Variants in ANO10 observed in about 807,000 individuals in gnomAD.
ANO10 encodes anoctamin 10.
ANO10 carries 77 observed loss-of-function variants against 74.7 expected under a neutral mutation model. The ratio of observed to expected loss-of-function variants is 1.03; its 90% CI spans 0.86 to 1.25. The LOEUF (loss-of-function observed/expected upper bound fraction) is 1.25, where lower values mean the gene tolerates loss of function less well. Ranked by LOEUF, ANO10 falls within the 50% of genes most tolerant of loss-of-function variation. The pLI is 0.00. For synonymous variants in ANO10, 279 were observed against 284.9 expected (o/e 0.98, Z 0.21); for missense variants, 721 against 778.1 (o/e 0.93, Z 0.87).
At chr3:43,471,818 A>G (rs2075867914) in intron 11 of ANO10, among the ~76,000 whole-genome samples, 1 of 152,126 alleles carries the variant, frequency 6.6e-6, no homozygotes, top group African/African-American at 2.4e-5. Context: ...ACATCATAGG[A>G]AACAATCAAA....
intron 11 of ANO10, among the ~76,000 whole-genome samples, chr3:43,532,737 ATAT>A (rs993912840): frequency 1.3e-5 from 2 of 152,214 alleles, no homozygotes; most frequent in African/African-American, 4.8e-5. Flanking sequence ...ATTTTAATTC[ATAT>A]TATTTTAATG....
chr3:43,375,069 C>T (rs186314565), intron 12 of ANO10, among the ~76,000 whole-genome samples: 30 of 151,638 alleles, frequency 2.0e-4, no homozygotes, highest in Non-Finnish European at 3.7e-4. Context: ...TGCAGTGAGC[C>T]GAGATTGCGC....
At chr3:43,685,425 A>G (rs1330611944) in intron 1 of ANO10, among the ~76,000 whole-genome samples, 2 of 152,248 alleles carry the variant, frequency 1.3e-5, no homozygotes, top group Non-Finnish European at 2.9e-5. Context: ...TTATGGAGGT[A>G]CTAGACTTTA....
intron 11 of ANO10, among the ~76,000 whole-genome samples, chr3:43,457,077 CTAA>C (rs1477708012): frequency 6.6e-6 from 1 of 152,074 alleles, no homozygotes; most frequent in East Asian, 1.9e-4. Flanking sequence ...ACTAAATTAG[CTAA>C]TACTAAATCT....
intron 12 of ANO10, among the ~76,000 whole-genome samples, chr3:43,402,673 G>A (rs931285642): frequency 2.6e-5 from 4 of 152,010 alleles, no homozygotes; most frequent in African/African-American, 7.2e-5. Context: ...TACCACACTG[G>A]CTCTTTTCAA....
intron 1 of ANO10, among the ~76,000 whole-genome samples, chr3:43,632,454 T>C (rs977686005): frequency 2.0e-5 from 3 of 152,286 alleles, no homozygotes; most frequent in Non-Finnish European, 4.4e-5. Flanking sequence ...CCTTTCCATA[T>C]AGTGGAGTAA....
chr3:43,666,900 G>T (rs1575585907), intron 1 of ANO10, among the ~76,000 whole-genome samples: 1 of 151,822 alleles, frequency 6.6e-6, no homozygotes, highest in African/African-American at 2.4e-5. Flanking sequence ...AATTTTAGTA[G>T]GGTATATGAT....
intron 11 of ANO10, among the ~76,000 whole-genome samples, chr3:43,517,463 C>A (rs1167709443): frequency 6.6e-6 from 1 of 151,914 alleles, no homozygotes; most frequent in Non-Finnish European, 1.5e-5. Flanking sequence ...ACAGGGCCTA[C>A]AAGAAGGTAA....
upstream of ANO10, among the ~76,000 whole-genome samples, chr3:43,625,516 C>T (rs1386574013): frequency 6.6e-6 from 1 of 152,112 alleles, no homozygotes; most frequent in East Asian, 1.9e-4. Context: ...CAGACATGGG[C>T]AGCAGTGGAC....
chr3:43,496,011 T>C (rs904112659), intron 11 of ANO10, among the ~76,000 whole-genome samples: 2 of 152,090 alleles, frequency 1.3e-5, no homozygotes, highest in African/African-American at 2.4e-5. Context: ...AGGAAAAATA[T>C]TTTTAAGAGC....
intron 12 of ANO10, among the ~76,000 whole-genome samples, chr3:43,395,100 G>T (rs1008162750): frequency 2.6e-5 from 4 of 152,230 alleles, no homozygotes; most frequent in Non-Finnish European, 4.4e-5. Context: ...CTCTAATACA[G>T]TTCATCTCCA....
intron 11 of ANO10, among the ~76,000 whole-genome samples, chr3:43,519,907 A>G (rs770251761): frequency 7.9e-5 from 12 of 152,178 alleles, no homozygotes; most frequent in East Asian, 1.9e-4. Context: ...GTAGGGCTTA[A>G]TGAGGGAGAG....
chr3:43,427,177 G>A (rs1443903182), intron 12 of ANO10, among the ~76,000 whole-genome samples: 3 of 152,112 alleles, frequency 2.0e-5, no homozygotes, highest in Non-Finnish European at 2.9e-5. Flanking sequence ...GAGGTGCGAA[G>A]AGGCCACCTG....
At chr3:43,509,238 G>A (rs1575299304) in intron 11 of ANO10, among the ~76,000 whole-genome samples, 1 of 151,670 alleles carries the variant, frequency 6.6e-6, no homozygotes, top group African/African-American at 2.4e-5. Flanking sequence ...GGAGGGGAGA[G>A]GGATAGCATT....
At chr3:43,620,282 G>C (rs1171383977) in intron 1 of ANO10, among the ~76,000 whole-genome samples, 5 of 152,008 alleles carry the variant, frequency 3.3e-5, no homozygotes, top group Admixed American at 6.6e-5. Context: ...GAAAATGTAA[G>C]GTGGAAAGAA....
At chr3:43,684,986 AAG>A (rs1283945526) in intron 1 of ANO10, among the ~76,000 whole-genome samples, 1 of 152,254 alleles carries the variant, frequency 6.6e-6, no homozygotes, top group Non-Finnish European at 1.5e-5. Context: ...ATGTTAAACG[AAG>A]AGTTAATGGG....
intron 11 of ANO10, among the ~76,000 whole-genome samples, chr3:43,438,689 G>A (rs2093113152): frequency 6.6e-6 from 1 of 151,974 alleles, no homozygotes; most frequent in Non-Finnish European, 1.5e-5. Flanking sequence ...AAAGGTTGCA[G>A]TGAGCCGAGA....
rs375369171 is a variant in ANO10, at chr3:43,509,048, A to T, written c.1797+40672T>A. 2.9e-4 allele frequency among the ~76,000 whole-genome samples: 44 copies of T among 151,982 alleles called. No homozygotes were observed. The South Asian group carries it at 8.9e-3, about 31-fold the overall frequency. ...GAATACTATGCAGCCATAGAAAAGG[A>T]TGAATTCATGTCCTTTGTAGGGACA... On this transcript the variant is annotated intron_variant, in intron 11 of 12. Coordinates refer to ENST00000292246, the MANE Select transcript of ANO10 (RefSeq NM_018075.5).
rs546025309 is a variant in ANO10 at position 43,637,217 on chromosome 3, C to T, written c.-11-31354G>A. Among the ~76,000 whole-genome samples the T allele has an allele frequency of 4.6e-5, 7 of 151,366 alleles. No homozygotes were observed. In the South Asian group the frequency reaches 1.5e-3, roughly 32 times the overall value. On this transcript the variant is annotated intron_variant, in intron 1 of 3. Transcript: ENST00000413397. Reference sequence around the variant, plus strand: ...GTGCGGTGGCTCACACCTGTAATTCCAGCACTTTGGGAGGCCAAGGTGGGC... The same window carrying T: ...GTGCGGTGGCTCACACCTGTAATTCTAGCACTTTGGGAGGCCAAGGTGGGC...
Sources: allele counts gnomAD v4.1 joint callset (sites outside exome capture counted in the v4.1 genomes callset), GRCh38; gene constraint gnomAD v4.1.1; transcripts MANE v1.5; gene names NCBI Gene and HGNC (gene_info 2026-07-23, HGNC 2026-07-21).